CHD1L: variants seen among roughly 807,000 people sequenced by gnomAD.
CHD1L encodes the protein chromodomain helicase DNA binding protein 1 like.
A neutral mutation model predicts 115.9 loss-of-function variants in CHD1L; 118 were observed. The observed-to-expected ratio is 1.02, with a 90% CI of 0.88 to 1.19. The LOEUF is 1.19. CHD1L is among the 50% of genes most tolerant of loss of function. CHD1L has a pLI of 0.00. For missense variants in CHD1L, 1,179 were observed against 1,065.3 expected, an observed-to-expected ratio of 1.11 and a Z score of -1.49; for synonymous variants, 411 against 387.1, an observed-to-expected ratio of 1.06 and a Z score of -0.72.
the CHD1L span, among the ~76,000 whole-genome samples, chr1:147,220,881 A>G: frequency 1.3e-5 from 2 of 148,562 alleles, no homozygotes; most frequent in Non-Finnish European, 3.0e-5. Flanking sequence ...ACAAAGATAT[A>G]TTGTGGCATA....
rs150956916 is a variant in CHD1L, at chr1:147,250,414, G to A, written c.128-2209G>A. ...AGGGTCTGCTGCCTTGTTAGTGCCA[G>A]GTGGGGATAGAAGTCCAGGCTCCCC... On this transcript the variant is annotated intron_variant, in intron 1 of 22. Coordinates refer to ENST00000369258, the MANE Select transcript of CHD1L (RefSeq NM_004284.6). 5.3e-3 allele frequency among the ~76,000 whole-genome samples: 813 copies of A among 152,230 alleles called. 3 individuals carry two copies. Among genetic ancestry groups the A allele is most frequent in the South Asian group, 0.011 (55 of 4,818 alleles).
intron 9 of CHD1L, 135 bp from the exon 10 acceptor site, chr1:147,268,647 T>TTA: frequency 1.6e-6 from 1 of 621,600 alleles, no homozygotes; most frequent in Admixed American, 2.7e-5. Flanking sequence ...GTGTAATTGG[T>TTA]GTTAAGCAGG....
chr1:147,182,639 C>G, the CHD1L span, among the ~76,000 whole-genome samples: 1 of 152,094 alleles, frequency 6.6e-6, no homozygotes, highest in Non-Finnish European at 1.5e-5. Context: ...AGGCAGAGAG[C>G]TTGGTGCTAA....
chr1:147,224,182 G>A, the CHD1L span: 1 of 262,926 alleles, frequency 3.8e-6, no homozygotes, highest in Non-Finnish European at 7.6e-6. Context: ...TCACTAGGAA[G>A]ACAAAGGAGG....
At chr1:147,208,284 C>A in the CHD1L span, among the ~76,000 whole-genome samples, 1 of 151,900 alleles carries the variant, frequency 6.6e-6, no homozygotes, top group African/African-American at 2.4e-5. Context: ...GGGTATCATG[C>A]AAAAAGAACT....
the CHD1L span, chr1:147,208,544 A>T: frequency 4.5e-6 from 1 of 221,260 alleles, no homozygotes; most frequent in Non-Finnish European, 9.0e-6. Flanking sequence ...GGCTCAGGTG[A>T]TTCTCCTGCC....
At chr1:147,227,712 C>T in the CHD1L span, among the ~76,000 whole-genome samples, 7 of 152,150 alleles carry the variant, frequency 4.6e-5, no homozygotes, top group African/African-American at 1.7e-4. Context: ...TCCAAGATAA[C>T]ATATGAGGCT....
the CHD1L span, chr1:147,210,002 A>G: frequency 1.3e-5 from 2 of 152,244 alleles, no homozygotes; most frequent in Non-Finnish European, 2.9e-5. Context: ...CATCCACAGC[A>G]GATTATCATC....
the CHD1L span, among the ~76,000 whole-genome samples, chr1:147,195,424 T>C: frequency 0.59 from 90,164 of 152,004 alleles, 28,845 homozygotes; most frequent in East Asian, 0.87. Flanking sequence ...TGAGCCACCA[T>C]GCCCAGCCAA....
At chr1:147,277,977 G>A (rs1255047481) in intron 14 of CHD1L, among the ~76,000 whole-genome samples, 1 of 152,100 alleles carries the variant, frequency 6.6e-6, no homozygotes, top group Non-Finnish European at 1.5e-5. Context: ...GAAAGATGTA[G>A]ACATACCTCC....
chr1:147,220,944 CAAAAAA>C, the CHD1L span, among the ~76,000 whole-genome samples: 8 of 137,344 alleles, frequency 5.8e-5, no homozygotes, highest in Non-Finnish European at 1.6e-5. Flanking sequence ...TTTAAGTTTC[CAAAAAA>C]AAAAAAAAAC....
intron 14 of CHD1L, 36 bp from the exon 15 acceptor site, chr1:147,279,990 A>C: frequency 6.2e-7 from 1 of 1,610,830 alleles, no homozygotes. Flanking sequence ...TCTTTTCATG[A>C]GAATTTGCTG....
chr1:147,213,610 A>ATTTGTGG, the CHD1L span: 2 of 696,842 alleles, frequency 2.9e-6, no homozygotes, highest in Non-Finnish European at 4.4e-6. Context: ...CTCCACAAAT[A>ATTTGTGG]AGAACTGTTT....
chr1:147,284,564 ATG>A, intron 16 of CHD1L, 65 bp downstream of exon 16: 1 of 1,399,122 alleles, frequency 7.1e-7, no homozygotes, highest in Non-Finnish European at 9.6e-7. Flanking sequence ...AAACAAAAAA[ATG>A]ATGCTGGCAT....
the CHD1L span, among the ~76,000 whole-genome samples, chr1:147,217,509 A>G: frequency 1.3e-5 from 2 of 152,240 alleles, no homozygotes; most frequent in African/African-American, 4.8e-5. Context: ...AAATAGCCAC[A>G]AAGGAGAGTG....
Position 147,275,432 on chromosome 1 carries a change from A to G in CHD1L, c.1349A>G (p.Gln450Arg). The G allele has an allele frequency of 6.2e-7, 1 of 1,614,140 alleles. No homozygotes were observed. Among genetic ancestry groups the G allele is most frequent in the Non-Finnish European group, 8.5e-7 (1 of 1,179,994 alleles). Reference protein sequence around the residue: ...DSDFNPQNDLQAAARAHRIGQ... With the variant: ...DSDFNPQNDLRAAARAHRIGQ... ...GACTTTAATCCTCAGAATGACTTGC[A>G]AGCAGCTGCCAGGGCTCATCGCATT... Residue 450 changes from glutamine (Q) to arginine (R), a missense_variant, in exon 13 of 23, where the codon CAA becomes CGA. Gln to Arg is a conservative substitution (Grantham distance 43). Transcript: ENST00000369258.
the CHD1L span, among the ~76,000 whole-genome samples, chr1:147,194,218 T>C: frequency 6.6e-6 from 1 of 152,196 alleles, no homozygotes; most frequent in East Asian, 1.9e-4. Context: ...ATATTTAGGA[T>C]AGTTAGGTCT....
chr1:147,287,770 A>G, intron 19 of CHD1L, 37 bp downstream of exon 19: 1 of 1,564,690 alleles, frequency 6.4e-7, no homozygotes, highest in Non-Finnish European at 8.8e-7. Flanking sequence ...TAAGGGTGGA[A>G]TAAGAGAGAA....
chr1:147,247,635 G>A (rs1158060646), intron 1 of CHD1L, among the ~76,000 whole-genome samples: 1 of 152,140 alleles, frequency 6.6e-6, no homozygotes, highest in African/African-American at 2.4e-5. Flanking sequence ...CCAACCTCGA[G>A]TATTCCATAG....
Sources: allele counts gnomAD v4.1 joint callset (sites outside exome capture counted in the v4.1 genomes callset), GRCh38; gene constraint gnomAD v4.1.1; transcripts MANE v1.5; gene names NCBI Gene and HGNC (gene_info 2026-07-23, HGNC 2026-07-21).